The following SVIL variants were observed in gnomAD, a reference collection of about 807,000 sequenced individuals.
SVIL encodes the protein archvillin.
In SVIL, 101 loss-of-function variants were observed where a neutral mutation model predicts 240.4. That is an observed-to-expected ratio of 0.42 (90% CI 0.36 to 0.50). The LOEUF (loss-of-function observed/expected upper bound fraction) is 0.50. SVIL is among the 20% of genes least tolerant of loss of function. The pLI is 0.01. For missense variants in SVIL, 2,512 were observed against 2,818.7 expected, an observed-to-expected ratio of 0.89 and a Z score of 2.46; for synonymous variants, 999 against 1,100.0, an observed-to-expected ratio of 0.91 and a Z score of 1.82.
At chr10:29,621,683 A>C (rs1173924219) in intron 1 of SVIL, among the ~76,000 whole-genome samples, 1 of 152,234 alleles carries the variant, frequency 6.6e-6, no homozygotes, top group African/African-American at 2.4e-5. Context: ...TGGCAGGAGG[A>C]GGTCCACGAC....
At chr10:29,660,868 T>TTTAA (rs1201157470) in intron 2 of SVIL, among the ~76,000 whole-genome samples, 4 of 151,018 alleles carry the variant, frequency 2.6e-5, no homozygotes, top group African/African-American at 9.7e-5. Context: ...AAAGAAGGAG[T>TTTAA]TTAAAAAGCC....
intron 3 of SVIL, among the ~76,000 whole-genome samples, chr10:29,643,460 G>A (rs543273742): frequency 1.3e-5 from 2 of 152,136 alleles, no homozygotes; most frequent in Non-Finnish European, 2.9e-5. Flanking sequence ...TGACCTCTAT[G>A]GGAGAAGACA....
Position 29,621,967 on chromosome 10 carries a change from C to G in SVIL, c.-201+12453G>C, listed in dbSNP as rs537400254. Among the ~76,000 whole-genome samples the G allele has an allele frequency of 2.6e-5, 4 of 152,248 alleles. No individual in the cohort carries two copies. The East Asian group carries it at 7.7e-4, about 29-fold the overall frequency. ...GGAGCAGCAAAGAACCTTGGAAACACTGGCCGGGCGCGGTGGCTCACGCCT... is the reference window on the plus strand; with the variant it reads ...GGAGCAGCAAAGAACCTTGGAAACAGTGGCCGGGCGCGGTGGCTCACGCCT... On this transcript the variant is annotated intron_variant, in intron 1 of 37. Transcript: ENST00000355867.
At chr10:29,631,467 C>A (rs1958091146) in intron 1 of SVIL, among the ~76,000 whole-genome samples, 2 of 151,064 alleles carry the variant, frequency 1.3e-5, no homozygotes, top group Non-Finnish European at 3.0e-5. Context: ...CATGGTGAAA[C>A]CCCATCTTTA....
At chr10:29,551,334 C>T in intron 5 of SVIL, 71 bp from the exon 6 acceptor site, 2 of 1,411,270 alleles carry the variant, frequency 1.4e-6, no homozygotes, top group South Asian at 2.8e-5. Flanking sequence ...CAGAATGACA[C>T]TCTACTGCAC....
chr10:29,458,512 G>A lies in SVIL; in HGVS notation c.6480C>T (p.Ala2160=), dbSNP rs775178877. ...AKLCKTIYPL[A]DLLARPLPEG... ...CCGGGAGTGGCCTGGCCAGGAGGTC[G>A]GCCAGCGGGTAAATGGTTTTACAGA... The change falls in exon 37 of 38, where the codon GCC becomes GCT. Residue 2160 remains alanine (A), a synonymous_variant. Transcript: ENST00000355867. 9 of 1,598,038 alleles carry A rather than the reference G, an allele frequency of 5.6e-6. No individual in the cohort carries two copies. Among genetic ancestry groups the A allele is most frequent in the South Asian group, 1.1e-5 (1 of 88,120 alleles).
Position 29,458,048 on chromosome 10 carries a change from A to G in SVIL, c.*199T>C. 1.8e-6 allele frequency: 1 copy of G among 566,896 alleles called. No individual in the cohort carries two copies. The highest frequency in any genetic ancestry group is 3.0e-6 in the Non-Finnish European group (1 of 328,288). The allele number at this position is 566,896 out of a possible 1,614,324, so 35.1% of individuals were successfully genotyped here. Reference sequence around the variant, plus strand: ...TCTGATAACCTCCTGAATGGTGGAAAGAAGTTTCCAAACAGTTCCCTTGAA... The same window carrying G: ...TCTGATAACCTCCTGAATGGTGGAAGGAAGTTTCCAAACAGTTCCCTTGAA... On this transcript the variant is annotated 3_prime_UTR_variant, in exon 38 of 38. Transcript: ENST00000355867.
At chr10:29,507,703 G>A in intron 17 of SVIL, 1 of 936,096 alleles carries the variant, frequency 1.1e-6, no homozygotes, top group Non-Finnish European at 1.3e-6. Flanking sequence ...CTCAGAAATT[G>A]CAGTGAGGCT....
Position 29,539,975 on chromosome 10 carries a change from T to C in SVIL, c.828-3906A>G, listed in dbSNP as rs143489683. Among the ~76,000 whole-genome samples, 447 of 152,190 alleles carry C rather than the reference T, an allele frequency of 2.9e-3. 2 individuals carry two copies. The highest frequency in any genetic ancestry group is 9.4e-3 in the African/African-American group (389 of 41,514). ...AGTTCTCTTGGGTACCTTCAAAATA[T>C]AACCTCTTTCTACCACCTGTGCTGC... On this transcript the variant is annotated intron_variant, in intron 6 of 37. Transcript: ENST00000355867.
At chr10:29,643,928 C>A in intron 3 of SVIL, 1 of 510,698 alleles carries the variant, frequency 2.0e-6, no homozygotes, top group Non-Finnish European at 3.9e-6. Flanking sequence ...TGAGCCTGGA[C>A]CGTGGTTTAT....
At chr10:29,716,757 A>C (rs549733164) in intron 1 of SVIL, among the ~76,000 whole-genome samples, 15 of 152,246 alleles carry the variant, frequency 9.9e-5, no homozygotes, top group Non-Finnish European at 2.2e-4. Flanking sequence ...TTCTTGAAGC[A>C]GTTTATGGAA....
At chr10:29,543,007 G>C (rs1952305687) in intron 6 of SVIL, among the ~76,000 whole-genome samples, 3 of 152,194 alleles carry the variant, frequency 2.0e-5, no homozygotes, top group African/African-American at 2.4e-5. Context: ...ATGATAATGA[G>C]AGCAGACTGG....
chr10:29,525,692 G>A (rs150426511), intron 13 of SVIL, among the ~76,000 whole-genome samples: 1 of 152,238 alleles, frequency 6.6e-6, no homozygotes, highest in East Asian at 1.9e-4. Flanking sequence ...AAGTCTTCAC[G>A]GTCAATATGA....
intron 5 of SVIL, among the ~76,000 whole-genome samples, chr10:29,553,840 A>G (rs926600366): frequency 1.2e-4 from 18 of 152,348 alleles, no homozygotes; most frequent in Non-Finnish European, 2.5e-4. Context: ...GTTTTCTTGC[A>G]TCTCCAGAGT....
chr10:29,661,580 AAAAC>A (rs1232059814), intron 2 of SVIL, among the ~76,000 whole-genome samples: 2 of 152,192 alleles, frequency 1.3e-5, no homozygotes, highest in East Asian at 3.9e-4. Context: ...CTTTCCGGAC[AAAAC>A]AAACTGTTAC....
Position 29,532,732 on chromosome 10 carries a change from G to T in SVIL, c.1635C>A (p.Thr545=), listed in dbSNP as rs1230528299. Residue 545 remains threonine, a synonymous_variant, in exon 8 of 38, where the codon ACC becomes ACA. Transcript: ENST00000355867. ...GGCCTGTGAAATCTGACAGAGAGCG[G>T]GTACGGACCTTGCGCTTTTTCGAGG... ...REASKKRKVR[T]RSLSDFTGPP... The T allele has an allele frequency of 6.2e-7, 1 of 1,614,160 alleles. No homozygotes were observed. Among genetic ancestry groups the T allele is most frequent in the East Asian group, 2.2e-5 (1 of 44,868 alleles).
intron 1 of SVIL, among the ~76,000 whole-genome samples, chr10:29,622,066 C>A (rs1163663906): frequency 2.7e-5 from 4 of 150,882 alleles, no homozygotes; most frequent in African/African-American, 9.8e-5. Context: ...CTGGCTAACA[C>A]GGTGAAACCC....
chr10:29,529,225 T>C (rs1171281777), intron 12 of SVIL, among the ~76,000 whole-genome samples: 1 of 149,448 alleles, frequency 6.7e-6, no homozygotes, highest in Admixed American at 6.7e-5. Context: ...AAGAGATTTC[T>C]GGCAATTAAG....
At chr10:29,528,214 A>C (rs1032332206) in intron 12 of SVIL, among the ~76,000 whole-genome samples, 1 of 152,156 alleles carries the variant, frequency 6.6e-6, no homozygotes, top group African/African-American at 2.4e-5. Context: ...CTGATTTGCA[A>C]AGAGTTCCTA....
Sources: allele counts gnomAD v4.1 joint callset (sites outside exome capture counted in the v4.1 genomes callset), GRCh38; gene constraint gnomAD v4.1.1; transcripts MANE v1.5; gene names NCBI Gene and HGNC (gene_info 2026-07-23, HGNC 2026-07-21).